Variants in PAPOLG observed in about 807,000 individuals in gnomAD.
PAPOLG encodes the protein poly(A) polymerase gamma.
A neutral mutation model predicts 99.0 loss-of-function variants in PAPOLG; 40 were observed. The ratio of observed to expected loss-of-function variants is 0.40; its 90% CI spans 0.31 to 0.53. The LOEUF is 0.53. Among genes scored for constraint, PAPOLG ranks in the 20% least tolerant of loss-of-function variants. The probability of loss-of-function intolerance (pLI) is 0.41; values close to 1 mark genes in which losing one functional copy is unlikely to be tolerated. For synonymous variants in PAPOLG, 310 were observed against 299.3 expected (o/e 1.04, Z -0.37); for missense variants, 675 against 884.1 (o/e 0.76, Z 3.00).
At chr2:60,766,647 G>A in intron 3 of PAPOLG, among the ~76,000 whole-genome samples, 1 of 151,480 alleles carries the variant, frequency 6.6e-6, no homozygotes, top group Non-Finnish European at 1.5e-5. Context: ...CTTCAGCCTG[G>A]GCAACACAGT....
intron 1 of PAPOLG, among the ~76,000 whole-genome samples, chr2:60,759,166 C>T (rs773550682): frequency 6.6e-6 from 1 of 152,108 alleles, no homozygotes; most frequent in Non-Finnish European, 1.5e-5. Flanking sequence ...GTCAGGAGTT[C>T]GAGACCAGCC....
chr2:60,770,484 T>TA lies in PAPOLG; in HGVS notation c.466dup (p.Ile156AsnfsTer4), dbSNP rs1171891538. The TA allele has an allele frequency of 2.5e-6, 4 of 1,596,938 alleles. No homozygotes were observed. ...CTGTAGAAGATGCCTTTGTACCTGTTATAAAATTTGAATTTGATGGTATTG... is the reference window on the plus strand; with the variant it reads ...CTGTAGAAGATGCCTTTGTACCTGTTAATAAAATTTGAATTTGATGGTATTG... On this transcript the variant is annotated frameshift_variant, in exon 6 of 22. Transcript: ENST00000238714. LOFTEE classifies it high-confidence loss of function.
chr2:60,791,803 T>G lies in PAPOLG; in HGVS notation c.1439T>G (p.Met480Arg). The part of the protein sequence containing the change: ...ANNINMLKEG[M>R]KIEATHVKKK... ...AATATAAATATGCTAAAGGAGGGAA[T>G]GAAAATTGAAGCAACTCATGTAAAG... Residue 480 changes from methionine to arginine, a missense_variant, in exon 16 of 22, where the codon ATG becomes AGG. Met to Arg is a moderately conservative substitution (Grantham distance 91). Around this residue, in one of 3 missense-constraint regions of PAPOLG, gnomAD observed 413 missense variants for 460.5 expected, o/e 0.90. Coordinates refer to ENST00000238714, the MANE Select transcript of PAPOLG (RefSeq NM_022894.4). The G allele has an allele frequency of 6.2e-7, 1 of 1,613,572 alleles. No individual in the cohort carries two copies. Among genetic ancestry groups the G allele is most frequent in the Non-Finnish European group, 8.5e-7 (1 of 1,179,856 alleles).
At position 60,780,750 on chromosome 2, in the gene PAPOLG, A is replaced by G; in HGVS notation, c.877A>G (p.Asn293Asp). The G allele has an allele frequency of 1.9e-6, 3 of 1,614,068 alleles. No individual in the cohort carries two copies. Among genetic ancestry groups the G allele is most frequent in the Non-Finnish European group, 2.5e-6 (3 of 1,179,898 alleles). Residue 293 changes from asparagine (N) to aspartate (D), a missense_variant, in exon 10 of 22, where the codon AAT (asparagine) becomes GAT (aspartate). By Grantham distance (23) the Asn-to-Asp change is conservative. Coordinates refer to ENST00000238714, the MANE Select transcript of PAPOLG (RefSeq NM_022894.4). ...PVLLKQPEESNLNLPVWDPRV... is the reference protein window; with the variant it reads ...PVLLKQPEESDLNLPVWDPRV... ...GCTGCTGAAGCAACCAGAAGAAAGC[A>G]ATTTGAATTTGCCTGTCTGGGATCC...
At chr2:60,761,849 C>A in intron 3 of PAPOLG, 42 bp downstream of exon 3, 1 of 1,389,376 alleles carries the variant, frequency 7.2e-7, no homozygotes, top group Non-Finnish European at 1.0e-6. Context: ...TTTATTATAT[C>A]TTGGCCATTC....
intron 20 of PAPOLG, 32 bp from the exon 21 acceptor site, chr2:60,794,932 G>A (rs770699851): frequency 6.2e-7 from 1 of 1,608,620 alleles, no homozygotes; most frequent in Non-Finnish European, 8.5e-7. Context: ...AGGAAAGTTA[G>A]TTTTCACTTG....
intron 13 of PAPOLG, 108 bp from the exon 14 acceptor site, chr2:60,786,839 T>A: frequency 7.2e-7 from 1 of 1,388,042 alleles, no homozygotes; most frequent in African/African-American, 1.5e-5. Context: ...CCGAAGTTTT[T>A]TAATGAACAT....
Position 60,760,172 on chromosome 2 carries a change from A to G in PAPOLG, c.56A>G (p.Tyr19Cys). Residue 19 changes from tyrosine (Y) to cysteine (C), a missense_variant, in exon 2 of 22, where the codon TAT becomes TGT. Coordinates refer to ENST00000238714, the MANE Select transcript of PAPOLG (RefSeq NM_022894.4). Reference protein sequence around the residue: ...VLDSQRQQKHYGITSPISLAS... With the variant: ...VLDSQRQQKHCGITSPISLAS... ...GACAGCCAGCGTCAACAAAAGCATTATGGAATTACCTCCCCAATTAGTTTG... is the reference window on the plus strand; with the variant it reads ...GACAGCCAGCGTCAACAAAAGCATTGTGGAATTACCTCCCCAATTAGTTTG... 1 of 1,614,096 alleles carries G rather than the reference A, an allele frequency of 6.2e-7. No homozygotes were observed. The highest frequency in any genetic ancestry group is 8.5e-7 in the Non-Finnish European group (1 of 1,179,960).
intron 5 of PAPOLG, 134 bp from the exon 6 acceptor site, chr2:60,770,324 G>A: frequency 4.8e-6 from 3 of 619,442 alleles, no homozygotes; most frequent in Non-Finnish European, 5.1e-6. Flanking sequence ...TTGGTAGTTA[G>A]AAAGGATAAA....
At position 60,761,045 on chromosome 2, in the gene PAPOLG, A is replaced by G. The variant is rs576991993; in HGVS notation, c.180-696A>G. ...AAAGTAGAAATCTGGATATATTTTAAAGGTAGGGTTCTTAGGGTTTAATGA... is the reference window on the plus strand; with the variant it reads ...AAAGTAGAAATCTGGATATATTTTAGAGGTAGGGTTCTTAGGGTTTAATGA... On this transcript the variant is annotated intron_variant, in intron 2 of 21. Coordinates refer to ENST00000238714, the MANE Select transcript of PAPOLG (RefSeq NM_022894.4). Among the ~76,000 whole-genome samples, 9 of 152,280 alleles carry G rather than the reference A, an allele frequency of 5.9e-5. No homozygotes were observed. In the South Asian group the frequency reaches 1.7e-3, roughly 28 times the overall value.
At position 60,787,720 on chromosome 2, in the gene PAPOLG, A is replaced by G. The variant is rs577796269; in HGVS notation, c.1396+100A>G. 1.1e-4 allele frequency: 162 copies of G among 1,439,134 alleles called. No individual in the cohort carries two copies. The South Asian group carries it at 1.7e-3, about 15-fold the overall frequency. The allele number at this position is 1,439,134 out of a possible 1,614,324, so 89.1% of individuals were successfully genotyped here. On this transcript the variant is annotated intron_variant, in intron 15 of 21. Coordinates refer to ENST00000238714, the MANE Select transcript of PAPOLG (RefSeq NM_022894.4). Reference sequence around the variant, plus strand: ...TGGCTGTACTTATTAAAGTTCCACAATTGGTTAAGTGAACATGGCATATCC... The same window carrying G: ...TGGCTGTACTTATTAAAGTTCCACAGTTGGTTAAGTGAACATGGCATATCC...
chr2:60,776,841 T>C (rs1671035873), intron 8 of PAPOLG, among the ~76,000 whole-genome samples: 1 of 152,334 alleles, frequency 6.6e-6, no homozygotes, highest in Non-Finnish European at 1.5e-5. Context: ...AGATGGCATC[T>C]TCTTCCAGTA....
intron 8 of PAPOLG, among the ~76,000 whole-genome samples, chr2:60,775,962 A>T (rs1671004138): frequency 6.6e-6 from 1 of 152,018 alleles, no homozygotes; most frequent in South Asian, 2.1e-4. Context: ...ACGGGGTTTC[A>T]CCATGTTTGT....
chr2:60,779,145 G>A (rs1671118315), intron 8 of PAPOLG, among the ~76,000 whole-genome samples: 1 of 151,994 alleles, frequency 6.6e-6, no homozygotes, highest in Non-Finnish European at 1.5e-5. Flanking sequence ...TCTACTTTAT[G>A]GAGAGGTATC....
rs192684809 is a variant in PAPOLG, at chr2:60,793,427, G to T, written c.1680-200G>T. On this transcript the variant is annotated intron_variant, in intron 17 of 21. Coordinates refer to ENST00000238714, the MANE Select transcript of PAPOLG (RefSeq NM_022894.4). ...AAAATTTAAAAAATTAACCCGATAT[G>T]ATGGCACACACCTATGTTCTTAGCT... is the stretch of plus-strand genomic sequence containing the variant. Among the ~76,000 whole-genome samples, 467 of 151,836 alleles carry T rather than the reference G, an allele frequency of 3.1e-3. 2 individuals are homozygous for T. The highest frequency in any genetic ancestry group is 0.011 in the African/African-American group (449 of 41,404).
intron 17 of PAPOLG, among the ~76,000 whole-genome samples, chr2:60,793,102 G>A (rs183333466): frequency 6.6e-6 from 1 of 151,996 alleles, no homozygotes; most frequent in African/African-American, 2.4e-5. Flanking sequence ...CTACCTGGGA[G>A]GCCAAGGTGG....
intron 13 of PAPOLG, among the ~76,000 whole-genome samples, chr2:60,783,526 T>C (rs1671264548): frequency 7.1e-6 from 1 of 140,852 alleles, no homozygotes; most frequent in African/African-American, 2.6e-5. Context: ...TTTTTTTTTT[T>C]TTGAGAAGGA....
chr2:60,787,741 T>C, intron 15 of PAPOLG, 121 bp downstream of exon 15: 1 of 1,289,062 alleles, frequency 7.8e-7, no homozygotes, highest in Non-Finnish European at 1.1e-6. Context: ...GAACATGGCA[T>C]ATCCGTATTG....
chr2:60,784,862 A>G (rs1255295569), intron 13 of PAPOLG, among the ~76,000 whole-genome samples: 1 of 152,220 alleles, frequency 6.6e-6, no homozygotes, highest in Non-Finnish European at 1.5e-5. Flanking sequence ...CCCTTTACAG[A>G]AAAAGTTTGC....
Sources: gnomAD v4.1 joint callset for allele counts (sites outside exome capture counted in the v4.1 genomes callset) on GRCh38, gnomAD v4.1.1 for gene constraint, gnomAD v4.1.1 regional missense constraint, MANE v1.5 for transcripts, NCBI Gene and HGNC (gene_info 2026-07-23, HGNC 2026-07-21) for gene names.